Variants in ATP8A2 observed in about 807,000 individuals in gnomAD.
The protein encoded by ATP8A2 is phospholipid-transporting ATPase IB.
In ATP8A2, 100 loss-of-function variants were observed where a neutral mutation model predicts 165.6. The ratio of observed to expected loss-of-function variants is 0.60; its 90% CI spans 0.51 to 0.71. The LOEUF (loss-of-function observed/expected upper bound fraction) is 0.71, where lower values mean the gene tolerates loss of function less well. ATP8A2 is among the 30% of genes least tolerant of loss of function. The pLI is 0.00. For missense variants in ATP8A2, 1,227 were observed against 1,479.5 expected, an observed-to-expected ratio of 0.83 and a Z score of 2.80; for synonymous variants, 543 against 548.8, an observed-to-expected ratio of 0.99 and a Z score of 0.15.
chr13:25,452,955 C>G (rs538974849), intron 1 of ATP8A2, among the ~76,000 whole-genome samples: 2 of 151,126 alleles, frequency 1.3e-5, no homozygotes, highest in Non-Finnish European at 3.0e-5. Context: ...ATTAGCCATG[C>G]ATGGTGGTGG....
At chr13:25,396,806 G>C (rs1370963627) in intron 1 of ATP8A2, among the ~76,000 whole-genome samples, 1 of 152,198 alleles carries the variant, frequency 6.6e-6, no homozygotes, top group African/African-American at 2.4e-5. Context: ...CTATTGCGGG[G>C]AGGACTCTAA....
At chr13:25,809,673 A>C (rs1425007767) in intron 27 of ATP8A2, among the ~76,000 whole-genome samples, 2 of 151,984 alleles carry the variant, frequency 1.3e-5, no homozygotes, top group Non-Finnish European at 2.9e-5. Flanking sequence ...CCTCTAGCTC[A>C]CAACACCCTG....
intron 33 of ATP8A2, among the ~76,000 whole-genome samples, chr13:25,898,094 G>T (rs1953616132): frequency 6.6e-6 from 1 of 151,866 alleles, no homozygotes. Context: ...GCATTCCTTT[G>T]GAGGTGCTCT....
intron 33 of ATP8A2, among the ~76,000 whole-genome samples, chr13:25,892,453 C>T (rs1209914917): frequency 3.9e-5 from 5 of 127,602 alleles, no homozygotes; most frequent in African/African-American, 8.1e-5. Flanking sequence ...CAAATGGAAA[C>T]ATTTCTCTCT....
intron 33 of ATP8A2, among the ~76,000 whole-genome samples, chr13:25,917,308 C>T (rs1954297551): frequency 6.6e-6 from 1 of 150,378 alleles, no homozygotes; most frequent in Non-Finnish European, 1.5e-5. Context: ...CCTTCCCTTC[C>T]TTCTTTTTGT....
rs562103100 is a variant in ATP8A2, at chr13:25,943,785, G to A, written c.3184-17790G>A. 2.0e-5 allele frequency among the ~76,000 whole-genome samples: 3 copies of A among 152,292 alleles called. No individual in the cohort carries two copies. In the East Asian group the frequency reaches 5.8e-4, roughly 29 times the overall value. On this transcript the variant is annotated intron_variant, in intron 33 of 36. Coordinates refer to ENST00000381655, the MANE Select transcript of ATP8A2 (RefSeq NM_016529.6). ...CCGTGAAATCCAATCAAACCTGGCT[G>A]CCTGTGTAGACTCCCAGCCTTCTAT... is the stretch of plus-strand genomic sequence containing the variant.
intron 24 of ATP8A2, among the ~76,000 whole-genome samples, chr13:25,631,881 GCAAAC>G (rs1565996292): frequency 2.0e-5 from 3 of 147,966 alleles, no homozygotes; most frequent in African/African-American, 7.4e-5. Context: ...TCCCAACATA[GCAAAC>G]CAAGCAGTTT....
chr13:25,512,194 G>T (rs1189955180), intron 2 of ATP8A2, among the ~76,000 whole-genome samples: 5 of 151,014 alleles, frequency 3.3e-5, no homozygotes, highest in Non-Finnish European at 7.4e-5. Flanking sequence ...GAGAGCACAG[G>T]GTTGGGGGTA....
intron 33 of ATP8A2, among the ~76,000 whole-genome samples, chr13:25,928,306 T>G (rs1342573382): frequency 1.3e-5 from 2 of 152,228 alleles, no homozygotes; most frequent in East Asian, 3.8e-4. Context: ...ATTATATTAT[T>G]TCTGTCACGA....
intron 24 of ATP8A2, among the ~76,000 whole-genome samples, chr13:25,615,480 G>A (rs2040800266): frequency 6.6e-6 from 1 of 152,098 alleles, no homozygotes; most frequent in South Asian, 2.1e-4. Context: ...TCGCTGAGAG[G>A]GTTTTCAGGT....
chr13:25,690,683 T>A (rs2042704436), intron 24 of ATP8A2, among the ~76,000 whole-genome samples: 1 of 152,182 alleles, frequency 6.6e-6, no homozygotes, highest in Non-Finnish European at 1.5e-5. Flanking sequence ...CAGGTGTTTG[T>A]GAGCATGAAG....
intron 1 of ATP8A2, among the ~76,000 whole-genome samples, chr13:25,393,392 C>T (rs1222509285): frequency 2.0e-5 from 3 of 151,808 alleles, no homozygotes; most frequent in Non-Finnish European, 4.4e-5. Flanking sequence ...TGTGAGCCAC[C>T]TCACCCAACC....
At chr13:25,746,667 C>T (rs967482088) in intron 25 of ATP8A2, among the ~76,000 whole-genome samples, 4 of 152,318 alleles carry the variant, frequency 2.6e-5, no homozygotes, top group Non-Finnish European at 5.9e-5. Flanking sequence ...AGCACCTTCT[C>T]TTCCCTGGAC....
intron 16 of ATP8A2, among the ~76,000 whole-genome samples, chr13:25,564,451 G>T (rs1046917700): frequency 6.6e-6 from 1 of 152,184 alleles, no homozygotes; most frequent in Admixed American, 6.5e-5. Flanking sequence ...GCATTCTACT[G>T]TGTGCCAGGC....
At chr13:25,560,482 T>A (rs1280208138) in intron 15 of ATP8A2, among the ~76,000 whole-genome samples, 3 of 152,072 alleles carry the variant, frequency 2.0e-5, no homozygotes, top group East Asian at 3.9e-4. Context: ...GGCAGATCAC[T>A]GGACGTCAGG....
intron 24 of ATP8A2, among the ~76,000 whole-genome samples, chr13:25,621,063 C>T (rs943975910): frequency 6.6e-6 from 1 of 152,132 alleles, no homozygotes; most frequent in South Asian, 2.1e-4. Flanking sequence ...CATGGTATCA[C>T]TCCCATGCTG....
chr13:25,747,577 C>T (rs372390720), intron 25 of ATP8A2, among the ~76,000 whole-genome samples: 3 of 133,896 alleles, frequency 2.2e-5, no homozygotes, highest in South Asian at 2.4e-4. Flanking sequence ...GGGTTAGACA[C>T]GTGGAGGTGT....
At chr13:25,652,041 A>G (rs951686945) in intron 24 of ATP8A2, among the ~76,000 whole-genome samples, 1 of 152,202 alleles carries the variant, frequency 6.6e-6, no homozygotes, top group Non-Finnish European at 1.5e-5. Flanking sequence ...TATGATGTTA[A>G]GACTTCAAAT....
chr13:25,513,365 C>G (rs1593435959), intron 2 of ATP8A2, among the ~76,000 whole-genome samples: 1 of 151,708 alleles, frequency 6.6e-6, no homozygotes, highest in Admixed American at 6.6e-5. Context: ...CGATGGGCGG[C>G]CGGGCAGAGA....
Sources: gnomAD v4.1 joint callset for allele counts (sites outside exome capture counted in the v4.1 genomes callset) on GRCh38, gnomAD v4.1.1 for gene constraint, MANE v1.5 for transcripts, NCBI Gene and HGNC (gene_info 2026-07-23, HGNC 2026-07-21) for gene names.